The following DNAH7 variants were observed in gnomAD, a reference collection of about 807,000 sequenced individuals.
DNAH7 encodes dynein axonemal heavy chain 7, also known as axonemal beta dynein heavy chain 7.
Under a neutral mutation model 444.6 loss-of-function variants are expected in DNAH7, and 397 were observed. The ratio of observed to expected loss-of-function variants is 0.89; its 90% CI spans 0.82 to 0.97. The LOEUF (loss-of-function observed/expected upper bound fraction) is 0.97. DNAH7 is among the 50% of genes least tolerant of loss of function. DNAH7 has a pLI of 0.00. For missense variants in DNAH7, 4,902 were observed against 4,800.8 expected (o/e 1.02, Z -0.62); for synonymous variants, 1,636 against 1,624.4 (o/e 1.01, Z -0.17).
chr2:195,923,667 T>G lies in DNAH7; in HGVS notation c.3753A>C (p.Ser1251=). ...VLDVHARDVL[S]SLVKKNISDD... is the part of the protein sequence containing the mutation. ...CGCTAATATTTTTTTTTACAAGTGA[T>G]GAGAGGACATCTCTAGCATGGACAT... Residue 1251 remains serine (S), a synonymous_variant, in exon 23 of 65, where the codon TCA becomes TCC. Coordinates refer to ENST00000312428, the MANE Select transcript of DNAH7 (RefSeq NM_018897.3). 6.2e-7 allele frequency: 1 copy of G among 1,614,162 alleles called. No homozygotes were observed. The highest frequency in any genetic ancestry group is 2.2e-5 in the East Asian group (1 of 44,870).
At chr2:195,975,035 G>A (rs898813287) in intron 15 of DNAH7, among the ~76,000 whole-genome samples, 3 of 152,028 alleles carry the variant, frequency 2.0e-5, no homozygotes, top group Non-Finnish European at 4.4e-5. Context: ...AATCAGGATC[G>A]AGGCAGAGAA....
chr2:195,744,310 GA>G (rs1693243516), intron 63 of DNAH7, among the ~76,000 whole-genome samples: 1 of 152,212 alleles, frequency 6.6e-6, no homozygotes, highest in African/African-American at 2.4e-5. Flanking sequence ...GAGGCTGGGG[GA>G]GGGGCGCCCG....
rs1244004795 is a variant in DNAH7 at position 195,950,849 on chromosome 2, C to G, written c.3078+6412G>C. Among the ~76,000 whole-genome samples the G allele has an allele frequency of 2.7e-4, 3 of 11,102 alleles. No homozygotes were observed. In the South Asian group the frequency reaches 0.016, roughly 59 times the overall value. The allele number at this position is 11,102 out of a possible 152,430, so 7.3% of individuals were successfully genotyped here. Reference sequence around the variant, plus strand: ...CCTAGGCAACAGAGTGGGACTCTGTCTCAAAAAAAAAAAAAAAAAAAAAAA... The same window carrying G: ...CCTAGGCAACAGAGTGGGACTCTGTGTCAAAAAAAAAAAAAAAAAAAAAAA... On this transcript the variant is annotated intron_variant, in intron 19 of 64. Transcript: ENST00000312428.
At chr2:195,843,678 C>T (rs1470376299) in intron 47 of DNAH7, among the ~76,000 whole-genome samples, 1 of 152,122 alleles carries the variant, frequency 6.6e-6, no homozygotes, top group Non-Finnish European at 1.5e-5. Flanking sequence ...AATCATACTG[C>T]ACATACCTCA....
chr2:196,019,157 C>A lies in DNAH7; in HGVS notation c.869+13G>T. 6.9e-7 allele frequency: 1 copy of A among 1,444,292 alleles called. No homozygotes were observed. The highest frequency in any genetic ancestry group is 9.2e-7 in the Non-Finnish European group (1 of 1,085,498). 89.5% of individuals were successfully genotyped at this position (1,444,292 alleles called of 1,614,324 possible). A position where few individuals can be genotyped will look rare whatever the true frequency, so the allele number is the denominator to read the frequency against. ...TATATTTTAAAAACCTCTATAAGGC[C>A]ACATATACTCACTTAAAATTAGTGT... On this transcript the variant is annotated intron_variant, in intron 9 of 64. Transcript: ENST00000312428.
intron 40 of DNAH7, among the ~76,000 whole-genome samples, chr2:195,865,795 A>G (rs1574608154): frequency 6.6e-6 from 1 of 152,242 alleles, no homozygotes; most frequent in East Asian, 1.9e-4. Context: ...TTAAGGTTAA[A>G]TTAAGTCATA....
chr2:195,926,526 C>T lies in DNAH7; in HGVS notation c.3512G>A (p.Arg1171Gln), dbSNP rs746376803. The T allele has an allele frequency of 1.9e-5, 30 of 1,600,968 alleles. No individual in the cohort carries two copies. Among genetic ancestry groups the T allele is most frequent in the Admixed American group, 3.5e-5 (2 of 57,514 alleles). The change falls in exon 22 of 65, where the codon CGA (arginine) becomes CAA (glutamine). Residue 1171 changes from arginine to glutamine, a missense_variant. Arg to Gln is a conservative substitution (Grantham distance 43). Transcript: ENST00000312428. ...AGGCCAATCCCTTACCCAGTTAATT[C>T]GTTCATATTTTGTATAGGCAAAAGT... Reference protein sequence around the residue: ...DATFAYTKYERINWVRDWPGQ... With the variant: ...DATFAYTKYEQINWVRDWPGQ...
intron 28 of DNAH7, among the ~76,000 whole-genome samples, chr2:195,899,736 T>G (rs180955383): frequency 6.6e-6 from 1 of 152,312 alleles, no homozygotes; most frequent in East Asian, 1.9e-4. Flanking sequence ...CATAAAGAAC[T>G]AACTAATGTA....
Position 195,864,750 on chromosome 2 carries a change from T to G in DNAH7, c.6905A>C (p.Glu2302Ala). Residue 2302 changes from glutamate to alanine, a missense_variant, in exon 41 of 65, where the codon GAA (glutamate) becomes GCA (alanine). By Grantham distance (107) the Glu-to-Ala change is moderately radical (BLOSUM62 -1). Coordinates refer to ENST00000312428, the MANE Select transcript of DNAH7 (RefSeq NM_018897.3). ...GGGTTTTTTGCTTATATTGTTGTAT[T>G]CTTCTAGGTGAATTTCTACTATCAT... Reference protein sequence around the residue: ...LRMIVEIHLEEYNNISKKPMN... With the variant: ...LRMIVEIHLEAYNNISKKPMN... The G allele has an allele frequency of 1.9e-6, 3 of 1,614,242 alleles. No individual in the cohort carries two copies. In the South Asian group the frequency reaches 3.3e-5, roughly 18 times the overall value.
chr2:195,789,538 A>C (rs1695778077), intron 57 of DNAH7, among the ~76,000 whole-genome samples: 1 of 152,210 alleles, frequency 6.6e-6, no homozygotes, highest in Admixed American at 6.5e-5. Context: ...GGATATTTTC[A>C]TGGTGCTAAA....
chr2:195,888,313 C>T lies in DNAH7; in HGVS notation c.5351G>A (p.Gly1784Asp), dbSNP rs201256476. 2.8e-4 allele frequency: 451 copies of T among 1,610,868 alleles called. No individual in the cohort carries two copies. Among genetic ancestry groups the T allele is most frequent in the Middle Eastern group, 2.5e-3 (15 of 6,058 alleles). Residue 1784 changes from glycine to aspartate, a missense_variant, in exon 33 of 65, where the codon GGC (glycine) becomes GAC (aspartate). Physicochemically the swap from Gly to Asp is moderately conservative, Grantham distance 94. Coordinates refer to ENST00000312428, the MANE Select transcript of DNAH7 (RefSeq NM_018897.3). ...VSVIQKEFIM[G>D]LFDRMVPVSV... ...AACAGGGACCATTCTGTCAAATAAG[C>T]CCATTATGAATTCCTTTTGAATAAC...
chr2:195,875,659 A>G lies in DNAH7; in HGVS notation c.6286+16T>C, dbSNP rs1701008396. ...AGATTTTTCCATCTTAGTAATCACAAACTCAAAAAATGTACCTGGAGGTCC... is the reference window on the plus strand; with the variant it reads ...AGATTTTTCCATCTTAGTAATCACAGACTCAAAAAATGTACCTGGAGGTCC... On this transcript the variant is annotated intron_variant, in intron 38 of 64. Transcript: ENST00000312428. 1.3e-6 allele frequency: 2 copies of G among 1,541,856 alleles called. No homozygotes were observed. The highest frequency in any genetic ancestry group is 1.7e-6 in the Non-Finnish European group (2 of 1,145,608).
intron 58 of DNAH7, among the ~76,000 whole-genome samples, chr2:195,785,587 CT>C (rs56028042): frequency 4.6e-3 from 523 of 114,540 alleles, no homozygotes; most frequent in Middle Eastern, 0.011. Context: ...TTACTGAGAG[CT>C]TTTTTTTTTT....
rs1178234216 is a variant in DNAH7, at chr2:195,794,432, T to C, written c.10622A>G (p.Asn3541Ser). Residue 3541 changes from asparagine to serine, a missense_variant, in exon 57 of 65, where the codon AAT (asparagine) becomes AGT (serine). Asn to Ser is a conservative substitution (Grantham distance 46, BLOSUM62 1). Transcript: ENST00000312428. ...SVLQNGVKMT[N>S]EAPKGLRANI... ...AGCCCGTAAACCTTTTGGTGCTTCA[T>C]TGGTCATTTTCACTCCATTCTGCAG... The C allele has an allele frequency of 1.2e-6, 2 of 1,614,156 alleles. No individual in the cohort carries two copies. Among genetic ancestry groups the C allele is most frequent in the South Asian group, 1.1e-5 (1 of 91,084 alleles).
Position 195,864,859 on chromosome 2 carries a change from G to GT in DNAH7, c.6795dup (p.Arg2266ThrfsTer7), listed in dbSNP as rs1700231905. On this transcript the variant is annotated frameshift_variant, in exon 41 of 65. Transcript: ENST00000312428. LOFTEE classifies it high-confidence loss of function. The stretch of plus-strand genomic sequence containing the variant: ...TGGAAATCACAAAACATTAAGCTGC[G>GT]TAAGTCATCTGCTTCCACCATGCCA... 3 of 1,613,874 alleles carry GT rather than the reference G, an allele frequency of 1.9e-6. No homozygotes were observed. The highest frequency in any genetic ancestry group is 1.6e-4 in the Middle Eastern group (1 of 6,084).
chr2:195,988,392 A>G (rs970879015), intron 12 of DNAH7, among the ~76,000 whole-genome samples, 163 bp from the exon 13 acceptor site: 3 of 152,130 alleles, frequency 2.0e-5, no homozygotes, highest in Non-Finnish European at 4.4e-5. Context: ...GACTAATTGC[A>G]GCAGTGTTTT....
chr2:195,925,852 G>A (rs1428007593), intron 22 of DNAH7, among the ~76,000 whole-genome samples: 2 of 152,010 alleles, frequency 1.3e-5, no homozygotes, highest in Non-Finnish European at 2.9e-5. Context: ...TAGAACTGCT[G>A]CAATGAATGT....
intron 47 of DNAH7, among the ~76,000 whole-genome samples, chr2:195,843,914 G>C (rs1039568076): frequency 6.6e-6 from 1 of 151,928 alleles, no homozygotes; most frequent in African/African-American, 2.4e-5. Flanking sequence ...GCCTAACACG[G>C]TGAAACCCCA....
At chr2:196,059,522 A>G (rs1698018833) in intron 1 of DNAH7, among the ~76,000 whole-genome samples, 1 of 152,216 alleles carries the variant, frequency 6.6e-6, no homozygotes, top group African/African-American at 2.4e-5. Flanking sequence ...GGTGCCAAGA[A>G]GCACTGTAAG....
Sources: gnomAD v4.1 joint callset for allele counts (sites outside exome capture counted in the v4.1 genomes callset) on GRCh38, gnomAD v4.1.1 for gene constraint, MANE v1.5 for transcripts, NCBI Gene and HGNC (gene_info 2026-07-23, HGNC 2026-07-21) for gene names.